POLR2M: variants seen among roughly 807,000 people sequenced by gnomAD.
POLR2M encodes RNA polymerase II subunit M.
POLR2M carries 30 observed loss-of-function variants against 34.6 expected under a neutral mutation model. The ratio of observed to expected loss-of-function variants is 0.87; its 90% CI spans 0.65 to 1.18. The LOEUF (loss-of-function observed/expected upper bound fraction) is 1.18, where lower values mean the gene tolerates loss of function less well. POLR2M is among the 50% of genes most tolerant of loss of function. The probability of loss-of-function intolerance (pLI) is 0.00; values close to 1 mark genes in which losing one functional copy is unlikely to be tolerated. For missense variants in POLR2M, 432 were observed against 448.7 expected, an observed-to-expected ratio of 0.96 and a Z score of 0.34; for synonymous variants, 150 against 166.7, an observed-to-expected ratio of 0.90 and a Z score of 0.77.
At position 57,706,942 on chromosome 15, in the gene POLR2M, CT is replaced by C. The variant is rs769121596; in HGVS notation, c.104del (p.Leu35CysfsTer24). Reference sequence around the variant, plus strand: ...GGAAATGTTGAAGCGCCAGGAGAGACTTTTGCGCAACGAGTAAGCTGGGGTC... The same window carrying C: ...GGAAATGTTGAAGCGCCAGGAGAGACTTTGCGCAACGAGTAAGCTGGGGTC... ...LREMLKRQERLLRNEKFICKL... is the reference protein window; with the variant it reads ...LREMLKRQERXLRNEKFICKL... On this transcript the variant is annotated frameshift_variant, in exon 1 of 4. Coordinates refer to ENST00000299638, the MANE Select transcript of POLR2M (RefSeq NM_015532.5). LOFTEE classifies it high-confidence loss of function. 1 of 1,602,018 alleles carries C rather than the reference CT, an allele frequency of 6.2e-7. No individual in the cohort carries two copies. Among genetic ancestry groups the C allele is most frequent in the Non-Finnish European group, 8.5e-7 (1 of 1,174,434 alleles).
Position 57,709,244 on chromosome 15 carries a change from C to G in POLR2M, c.644C>G (p.Thr215Ser). 6.2e-7 allele frequency: 1 copy of G among 1,614,218 alleles called. No homozygotes were observed. The highest frequency in any genetic ancestry group is 1.1e-5 in the South Asian group (1 of 91,088). Residue 215 changes from threonine to serine, a missense_variant, in exon 2 of 4, where the codon ACT becomes AGT. Thr to Ser is a moderately conservative substitution (Grantham distance 58, BLOSUM62 1). Transcript: ENST00000299638. Reference sequence around the variant, plus strand: ...CAACAGTCAGAAGAAAACGCAAGTACTAAGAACTTGACAGGCCTTTCCAGT... The same window carrying G: ...CAACAGTCAGAAGAAAACGCAAGTAGTAAGAACTTGACAGGCCTTTCCAGT... ...GEQQSEENASTKNLTGLSSGT... is the reference protein window; with the variant it reads ...GEQQSEENASSKNLTGLSSGT...
chr15:57,708,830 C>G lies in POLR2M; in HGVS notation c.230C>G (p.Pro77Arg), dbSNP rs564578717. 1 of 1,613,854 alleles carries G rather than the reference C, an allele frequency of 6.2e-7. No homozygotes were observed. The highest frequency in any genetic ancestry group is 1.3e-5 in the African/African-American group (1 of 74,912). The change falls in exon 2 of 4, where the codon CCT becomes CGT. Residue 77 changes from proline to arginine, a missense_variant. Pro to Arg is a moderately radical substitution (Grantham distance 103). Coordinates refer to ENST00000299638, the MANE Select transcript of POLR2M (RefSeq NM_015532.5). ...EVRRKSELFNPVSLDCKLRQK... is the reference protein window; with the variant it reads ...EVRRKSELFNRVSLDCKLRQK... Reference sequence around the variant, plus strand: ...AGAAGAAAAAGTGAACTGTTTAACCCTGTTAGTTTAGACTGTAAGCTAAGG... The same window carrying G: ...AGAAGAAAAAGTGAACTGTTTAACCGTGTTAGTTTAGACTGTAAGCTAAGG...
rs2040959792 is a variant in POLR2M at position 57,716,707 on chromosome 15, T to A, written c.*2028T>A. ...TTTTTTCTGTTGCTTGCTTGGAGAA[T>A]TTGCTCTTTTTTTGGCATATAAGTT... On this transcript the variant is annotated 3_prime_UTR_variant, in exon 4 of 4. Transcript: ENST00000299638. The A allele has an allele frequency of 6.6e-6, 1 of 152,294 alleles. No individual in the cohort carries two copies. The highest frequency in any genetic ancestry group is 1.5e-5 in the Non-Finnish European group (1 of 68,050). The allele number at this position is 152,294 out of a possible 1,614,324, so 9.4% of individuals were successfully genotyped here. A position where few individuals can be genotyped will look rare whatever the true frequency, so the allele number is the denominator to read the frequency against.
At position 57,712,183 on chromosome 15, in the gene POLR2M, T is replaced by C. The variant is rs1355842950; in HGVS notation, c.958T>C (p.Tyr320His). 3.1e-6 allele frequency: 5 copies of C among 1,614,082 alleles called. No individual in the cohort carries two copies. The South Asian group carries it at 5.5e-5, about 18-fold the overall frequency. Residue 320 changes from tyrosine (Y) to histidine (H), a missense_variant, in exon 3 of 4, where the codon TAT (tyrosine) becomes CAT (histidine). Coordinates refer to ENST00000299638, the MANE Select transcript of POLR2M (RefSeq NM_015532.5). The part of the protein sequence containing the change: ...LALQKQQKQN[Y>H]EEMQAKLAAQ... Reference sequence around the variant, plus strand: ...ACTTCAGAAACAGCAGAAACAGAATTATGAGGTATTTAGAGTATTTTTTTT... The same window carrying C: ...ACTTCAGAAACAGCAGAAACAGAATCATGAGGTATTTAGAGTATTTTTTTT...
chr15:57,707,396 C>G (rs1049185350), intron 1 of POLR2M: 24 of 674,424 alleles, frequency 3.6e-5, no homozygotes, highest in Middle Eastern at 4.7e-4. Context: ...AAAGTTCGAC[C>G]CTCATTCAGC....
intron 3 of POLR2M, among the ~76,000 whole-genome samples, chr15:57,713,864 C>T (rs1226041807): frequency 9.8e-5 from 7 of 71,154 alleles, no homozygotes; most frequent in Admixed American, 4.9e-4. Context: ...TTTTTTGAGA[C>T]GGAGTCTTGT....
At position 57,715,915 on chromosome 15, in the gene POLR2M, T is replaced by C. The variant is rs556650448; in HGVS notation, c.*1236T>C. On this transcript the variant is annotated 3_prime_UTR_variant, in exon 4 of 4. Transcript: ENST00000299638. ...AGGTGTAATTATTGCTTTCATTCCT[T>C]ACCCCCCTCAAGCAAATGTGAAAAG... 1.3e-5 allele frequency: 2 copies of C among 152,404 alleles called. No individual in the cohort carries two copies. The highest frequency in any genetic ancestry group is 4.8e-5 in the African/African-American group (2 of 41,602). The allele number at this position is 152,404 out of a possible 1,614,324, so 9.4% of individuals were successfully genotyped here.
chr15:57,711,178 A>C (rs975549581), intron 2 of POLR2M, among the ~76,000 whole-genome samples: 1 of 151,992 alleles, frequency 6.6e-6, no homozygotes, highest in Admixed American at 6.6e-5. Context: ...GATTTTTCTC[A>C]TCTCCATATC....
At chr15:57,709,876 T>C (rs1448803816) in intron 2 of POLR2M, among the ~76,000 whole-genome samples, 2 of 152,208 alleles carry the variant, frequency 1.3e-5, no homozygotes, top group Non-Finnish European at 2.9e-5. Context: ...GTCTGTGAAC[T>C]AAGGGTAAAG....
Position 57,706,823 on chromosome 15 carries a change from C to T in POLR2M, c.-20C>T. 4 of 1,546,338 alleles carry T rather than the reference C, an allele frequency of 2.6e-6. No individual in the cohort carries two copies. The highest frequency in any genetic ancestry group is 3.5e-6 in the Non-Finnish European group (4 of 1,142,492). On this transcript the variant is annotated 5_prime_UTR_variant, in exon 1 of 4. Coordinates refer to ENST00000299638, the MANE Select transcript of POLR2M (RefSeq NM_015532.5). ...AGGAAGCCGAGTGCCCGCCGCCGCG[C>T]CAGCCTCAGCCCGCGCAGAATGTGC...
chr15:57,711,538 GTTA>G (rs2040713240), intron 2 of POLR2M, among the ~76,000 whole-genome samples: 2 of 152,172 alleles, frequency 1.3e-5, no homozygotes, highest in Non-Finnish European at 1.5e-5. Flanking sequence ...TGGGTAAGCA[GTTA>G]TTATTCCAAG....
intron 1 of POLR2M, chr15:57,707,291 A>T (rs935174968): frequency 1.3e-6 from 1 of 780,310 alleles, no homozygotes; most frequent in African/African-American, 1.7e-5. Context: ...CCCCTAACCC[A>T]TAACAGATTG....
At chr15:57,707,177 G>T (rs886613141) in intron 1 of POLR2M, 1 of 1,486,952 alleles carries the variant, frequency 6.7e-7, no homozygotes, top group Non-Finnish European at 9.0e-7. Context: ...GGATTGAACG[G>T]CTACCTGGCG....
rs1235801295 is a variant in POLR2M, at chr15:57,716,986, C to A, written c.*2307C>A. 1 of 152,086 alleles carries A rather than the reference C, an allele frequency of 6.6e-6. No individual in the cohort carries two copies. The highest frequency in any genetic ancestry group is 1.5e-5 in the Non-Finnish European group (1 of 68,020). 9.4% of individuals were successfully genotyped at this position (152,086 alleles called of 1,614,324 possible). A position where few individuals can be genotyped will look rare whatever the true frequency, so the allele number is the denominator to read the frequency against. Reference sequence around the variant, plus strand: ...TTTATATACATTAACTAAATCAGTACAAGTTTGGGGTGAAAAGGAAATTTT... The same window carrying A: ...TTTATATACATTAACTAAATCAGTAAAAGTTTGGGGTGAAAAGGAAATTTT... On this transcript the variant is annotated 3_prime_UTR_variant, in exon 4 of 4. Transcript: ENST00000299638.
Position 57,714,568 on chromosome 15 carries a change from A to G in POLR2M, c.996A>G (p.Leu332=). The change falls in exon 4 of 4, where the codon TTA becomes TTG. Residue 332 remains leucine, a synonymous_variant. Transcript: ENST00000299638. ...EMQAKLAAQK[L]AERLNIKMRS... ...AAGCAAAGCTCGCAGCGCAAAAATT[A>G]GCTGAAAGACTGAATATTAAAATGC... is the stretch of plus-strand genomic sequence containing the variant. 6.2e-7 allele frequency: 1 copy of G among 1,613,898 alleles called. No individual in the cohort carries two copies. Among genetic ancestry groups the G allele is most frequent in the Non-Finnish European group, 8.5e-7 (1 of 1,179,848 alleles).
At chr15:57,708,479 T>C (rs1259242619) in intron 1 of POLR2M, among the ~76,000 whole-genome samples, 1 of 152,196 alleles carries the variant, frequency 6.6e-6, no homozygotes, top group African/African-American at 2.4e-5. Context: ...AATTCTAATT[T>C]GCTGAGACAA....
Position 57,714,792 on chromosome 15 carries a change from C to A in POLR2M, c.*113C>A. The stretch of plus-strand genomic sequence containing the variant: ...TGAGGGAAGTAATTTTATAAAGTTA[C>A]ACAAAGGTAGTTATAAAAAAAGCCC... On this transcript the variant is annotated 3_prime_UTR_variant, in exon 4 of 4. Coordinates refer to ENST00000299638, the MANE Select transcript of POLR2M (RefSeq NM_015532.5). The A allele has an allele frequency of 6.7e-7, 1 of 1,494,572 alleles. No homozygotes were observed. Among genetic ancestry groups the A allele is most frequent in the South Asian group, 1.3e-5 (1 of 75,320 alleles). 92.6% of individuals were successfully genotyped at this position (1,494,572 alleles called of 1,614,324 possible).
In POLR2M at chr15:57,715,924, C is replaced by T. The variant is rs1420317214; in HGVS notation, c.*1245C>T. ...TATTGCTTTCATTCCTTACCCCCCT[C>T]AAGCAAATGTGAAAAGTATACTGAC... On this transcript the variant is annotated 3_prime_UTR_variant, in exon 4 of 4. Coordinates refer to ENST00000299638, the MANE Select transcript of POLR2M (RefSeq NM_015532.5). 1.3e-5 allele frequency: 2 copies of T among 152,272 alleles called. No homozygotes were observed. Among genetic ancestry groups the T allele is most frequent in the African/African-American group, 4.8e-5 (2 of 41,458 alleles). 9.4% of individuals were successfully genotyped at this position (152,272 alleles called of 1,614,324 possible).
intron 2 of POLR2M, 110 bp from the exon 3 acceptor site, chr15:57,711,874 A>C: frequency 7.8e-7 from 1 of 1,279,108 alleles, no homozygotes; most frequent in Non-Finnish European, 1.1e-6. Context: ...ACTTACTGTT[A>C]CCTTTGGAGG....
Sources: gnomAD v4.1 joint callset for allele counts (sites outside exome capture counted in the v4.1 genomes callset) on GRCh38, gnomAD v4.1.1 for gene constraint, MANE v1.5 for transcripts, NCBI Gene and HGNC (gene_info 2026-07-23, HGNC 2026-07-21) for gene names.